ADAMTS2: variants seen among roughly 807,000 people sequenced by gnomAD.
The protein encoded by ADAMTS2 is ADAM metallopeptidase with thrombospondin type 1 motif 2.
Under a neutral mutation model 123.0 loss-of-function variants are expected in ADAMTS2, and 50 were observed. The ratio of observed to expected loss-of-function variants is 0.41; its 90% confidence interval spans 0.32 to 0.51. The LOEUF is 0.51. Ranked by LOEUF, ADAMTS2 falls within the 20% of genes least tolerant of loss-of-function variation. The pLI, the probability that ADAMTS2 is intolerant of heterozygous loss-of-function variation, is 0.35. For missense variants in ADAMTS2, 1,494 were observed against 1,705.2 expected, an observed-to-expected ratio of 0.88 and a Z score of 2.18; for synonymous variants, 678 against 695.4, an observed-to-expected ratio of 0.98 and a Z score of 0.39.
At chr5:179,205,786 T>TATTATTATTATTA (rs141328524) in intron 4 of ADAMTS2, among the ~76,000 whole-genome samples, 3 of 150,308 alleles carry the variant, frequency 2.0e-5, no homozygotes, top group African/African-American at 2.4e-5. Flanking sequence ...TTATTATTAT[T>TATTATTATTATTA]TTTGAGACGG....
At chr5:179,217,756 TGTGAGGGGGGATGG>T (rs1765016985) in intron 3 of ADAMTS2, among the ~76,000 whole-genome samples, 1 of 135,478 alleles carries the variant, frequency 7.4e-6, no homozygotes, top group Admixed American at 7.0e-5. Flanking sequence ...TAGGGGATGG[TGTGAGGGGGGATGG>T]GCACACTCAC....
At chr5:179,261,876 C>T (rs1481954054) in intron 3 of ADAMTS2, among the ~76,000 whole-genome samples, 17 of 152,182 alleles carry the variant, frequency 1.1e-4, no homozygotes, top group East Asian at 1.9e-4. Context: ...GATGCACACA[C>T]GTCCATGGGA....
chr5:179,133,779 C>T (rs1026492017), intron 13 of ADAMTS2, among the ~76,000 whole-genome samples: 6 of 150,592 alleles, frequency 4.0e-5, no homozygotes, highest in East Asian at 2.0e-4. Context: ...GAGTCAGTGG[C>T]GCGATCTTGG....
chr5:179,238,859 C>G (rs555918037), intron 3 of ADAMTS2, among the ~76,000 whole-genome samples: 3 of 152,180 alleles, frequency 2.0e-5, no homozygotes, highest in African/African-American at 7.2e-5. Context: ...TCAAAGGATC[C>G]CTGACCACGG....
chr5:179,132,753 G>C lies in ADAMTS2; in HGVS notation c.2209+24C>G. 1 of 1,613,952 alleles carries C rather than the reference G, an allele frequency of 6.2e-7. No homozygotes were observed. Among genetic ancestry groups the C allele is most frequent in the Non-Finnish European group, 8.5e-7 (1 of 1,179,948 alleles). On this transcript the variant is annotated intron_variant, in intron 14 of 21. Coordinates refer to ENST00000251582, the MANE Select transcript of ADAMTS2 (RefSeq NM_014244.5). The surrounding 1 kb of genome is among the most constrained non-coding windows in gnomAD (Gnocchi z 6.1). ...CCTGCTGCAGGCATCCAGGCTCCAG[G>C]GTGGAGAGCAGGGACCCACTCACCA...
At chr5:179,121,629 G>A (rs749359573) in intron 21 of ADAMTS2, 32 bp downstream of exon 21, 5 of 1,568,828 alleles carry the variant, frequency 3.2e-6, no homozygotes, top group South Asian at 1.2e-5. Context: ...TGCACTGGAG[G>A]GCAGAGGCAG....
At position 179,303,600 on chromosome 5, in the gene ADAMTS2, T is replaced by C. The variant is rs1756589369; in HGVS notation, c.535-30536A>G. Among the ~76,000 whole-genome samples the C allele has an allele frequency of 6.6e-6, 1 of 152,202 alleles. No homozygotes were observed. The highest frequency in any genetic ancestry group is 1.5e-5 in the Non-Finnish European group (1 of 68,040). On this transcript the variant is annotated intron_variant, in intron 2 of 21. Transcript: ENST00000251582. This position sits in a 1 kb window ranked among gnomAD's most constrained non-coding sequence, Gnocchi z 4.7. ...TTGTAGCTCAAGGATAGAAAAAGCA[T>C]TTCCGAATGCTCAGAGCCAAGCCAA...
At position 179,242,509 on chromosome 5, in the gene ADAMTS2, A is replaced by C. The variant is rs1561623927; in HGVS notation, c.688+30402T>G. ...CCATAACTGGTGAAAAGTATTGAAA[A>C]GTCACCATCAACAACAATTTAAAGT... On this transcript the variant is annotated intron_variant, in intron 3 of 21. Coordinates refer to ENST00000251582, the MANE Select transcript of ADAMTS2 (RefSeq NM_014244.5). This position sits in a 1 kb window ranked among gnomAD's most constrained non-coding sequence, Gnocchi z 4.2. 6.6e-6 allele frequency among the ~76,000 whole-genome samples: 1 copy of C among 152,228 alleles called. No individual in the cohort carries two copies.
chr5:179,313,605 A>C (rs67062269), intron 2 of ADAMTS2, among the ~76,000 whole-genome samples: 30 of 4,648 alleles, frequency 6.5e-3, no homozygotes, highest in Middle Eastern at 0.25. Flanking sequence ...GGGACGCACA[A>C]GCATTCACAC....
At chr5:179,248,024 A>C (rs1225281737) in intron 3 of ADAMTS2, among the ~76,000 whole-genome samples, 2 of 152,206 alleles carry the variant, frequency 1.3e-5, no homozygotes, top group African/African-American at 4.8e-5. Context: ...AGATGCATAA[A>C]GCAATAATTA....
At chr5:179,255,752 A>C (rs1766032270) in intron 3 of ADAMTS2, among the ~76,000 whole-genome samples, 1 of 152,142 alleles carries the variant, frequency 6.6e-6, no homozygotes, top group Admixed American at 6.5e-5. Flanking sequence ...TGTGCCCCCA[A>C]GCAGGGGTGG....
chr5:179,336,809 C>T (rs958780230), intron 2 of ADAMTS2, among the ~76,000 whole-genome samples: 2 of 152,192 alleles, frequency 1.3e-5, no homozygotes, highest in East Asian at 1.9e-4. Context: ...AGGAGCACAG[C>T]GGACCATGTG....
rs145276118 is a variant in ADAMTS2 at position 179,224,832 on chromosome 5, G to A, written c.689-17117C>T. On this transcript the variant is annotated intron_variant, in intron 3 of 21. Transcript: ENST00000251582. ...GGTCTGTCTGCCACCTCAGCTCCAC[G>A]CCCAGACCAAAGCTGTGTCCTCAGG... Among the ~76,000 whole-genome samples the A allele has an allele frequency of 5.6e-4, 82 of 146,816 alleles. No individual in the cohort carries two copies. In the East Asian group the frequency reaches 0.01, roughly 18 times the overall value.
At position 179,272,943 on chromosome 5, in the gene ADAMTS2, G is replaced by C. The variant is rs1766583475; in HGVS notation, c.656C>G (p.Pro219Arg). Reference sequence around the variant, plus strand: ...CAGGGCCTGTGGCCCCCCGAGAGGAGGGGACGTGGGTGGCCGGCGATACAC... The same window carrying C: ...CAGGGCCTGTGGCCCCCCGAGAGGACGGGACGTGGGTGGCCGGCGATACAC... ...HVVYRRPPTS[P>R]PLGGPQALDT... The change falls in exon 3 of 22, where the codon CCT becomes CGT. Residue 219 changes from proline to arginine, a missense_variant. Pro to Arg is a moderately radical substitution (Grantham distance 103). Around this residue, in one of 6 missense-constraint regions of ADAMTS2, gnomAD observed 184 missense variants for 152.1 expected, o/e 1.21. Transcript: ENST00000251582. The surrounding 1 kb of genome is among the most constrained non-coding windows in gnomAD (Gnocchi z 5.8). 6.2e-7 allele frequency: 1 copy of C among 1,611,808 alleles called. No homozygotes were observed.
At chr5:179,337,294 A>C (rs1757638138) in intron 2 of ADAMTS2, among the ~76,000 whole-genome samples, 1 of 152,116 alleles carries the variant, frequency 6.6e-6, no homozygotes, top group Admixed American at 6.6e-5. Context: ...TACAGAGTGC[A>C]GGAAACCCCT....
At chr5:179,310,733 G>A (rs1394823994) in intron 2 of ADAMTS2, among the ~76,000 whole-genome samples, 1 of 152,164 alleles carries the variant, frequency 6.6e-6, no homozygotes, top group Non-Finnish European at 1.5e-5. Context: ...TGAAGTCTGG[G>A]ACACACTGCT....
At chr5:179,336,733 C>A (rs1050900265) in intron 2 of ADAMTS2, among the ~76,000 whole-genome samples, 4 of 152,188 alleles carry the variant, frequency 2.6e-5, no homozygotes, top group African/African-American at 7.2e-5. Context: ...GGACAGAACC[C>A]ATCTTTTGCT....
Position 179,115,164 on chromosome 5 carries a change from T to C in ADAMTS2, c.3179-840A>G, listed in dbSNP as rs1269658806. Among the ~76,000 whole-genome samples, 5 of 152,092 alleles carry C rather than the reference T, an allele frequency of 3.3e-5. No homozygotes were observed. The highest frequency in any genetic ancestry group is 7.4e-5 in the Non-Finnish European group (5 of 68,016). On this transcript the variant is annotated intron_variant, in intron 21 of 21. Coordinates refer to ENST00000251582, the MANE Select transcript of ADAMTS2 (RefSeq NM_014244.5). This position sits in a 1 kb window ranked among gnomAD's most constrained non-coding sequence, Gnocchi z 4.4. Reference sequence around the variant, plus strand: ...TCCAGCTTACATGGAGAGCCCCGACTCTCCACAGAAGCCACCATTATCTCT... The same window carrying C: ...TCCAGCTTACATGGAGAGCCCCGACCCTCCACAGAAGCCACCATTATCTCT...
At position 179,189,510 on chromosome 5, in the gene ADAMTS2, GTTTTTT is replaced by G. The variant is rs146295427; in HGVS notation, c.892-8361_892-8356del. Among the ~76,000 whole-genome samples the G allele has an allele frequency of 2.5e-5, 2 of 78,948 alleles. No individual in the cohort carries two copies. Among genetic ancestry groups the G allele is most frequent in the African/African-American group, 4.5e-5 (1 of 22,366 alleles). 51.8% of individuals were successfully genotyped at this position (78,948 alleles called of 152,430 possible). A position where few individuals can be genotyped will look rare whatever the true frequency, so the allele number is the denominator to read the frequency against. ...CTACAGGCGCCCGCCAGTGCGCCTG[GTTTTTT>G]TTTTTTTTTTTTTTTTTTTTTTAGT... On this transcript the variant is annotated intron_variant, in intron 4 of 21. Coordinates refer to ENST00000251582, the MANE Select transcript of ADAMTS2 (RefSeq NM_014244.5). The surrounding 1 kb of genome is among the most constrained non-coding windows in gnomAD (Gnocchi z 4.2).
Sources: allele counts gnomAD v4.1 joint callset (sites outside exome capture counted in the v4.1 genomes callset), GRCh38; gene constraint gnomAD v4.1.1; regional missense constraint gnomAD v4.1.1; non-coding constraint Gnocchi (gnomAD v3.1); transcripts MANE v1.5; gene names NCBI Gene and HGNC (gene_info 2026-07-23, HGNC 2026-07-21).